FBXL7: variants seen among roughly 807,000 people sequenced by gnomAD.
The protein encoded by FBXL7 is F-box and leucine rich repeat protein 7.
Under a neutral mutation model 38.3 loss-of-function variants are expected in FBXL7, and 12 were observed. The ratio of observed to expected loss-of-function variants is 0.31; its 90% CI spans 0.20 to 0.51. The LOEUF is 0.51. Ranked by LOEUF, FBXL7 falls within the 20% of genes least tolerant of loss-of-function variation. FBXL7 has a pLI of 0.98. For synonymous variants in FBXL7, 297 were observed against 300.9 expected (o/e 0.99, Z 0.13); for missense variants, 567 against 676.4 (o/e 0.84, Z 1.79).
intron 1 of FBXL7, among the ~76,000 whole-genome samples, chr5:15,584,946 A>G (rs1030510394): frequency 6.6e-6 from 1 of 152,188 alleles, no homozygotes; most frequent in Non-Finnish European, 1.5e-5. Context: ...ATCACATACT[A>G]TTACAAATTA....
intron 1 of FBXL7, among the ~76,000 whole-genome samples, chr5:15,566,675 GAATA>G (rs1167033126): frequency 3.3e-5 from 5 of 152,062 alleles, no homozygotes; most frequent in African/African-American, 1.2e-4. Context: ...TATCGCAAAT[GAATA>G]AATAATACTA....
chr5:15,528,790 T>C (rs932326071), intron 1 of FBXL7, among the ~76,000 whole-genome samples: 5 of 151,982 alleles, frequency 3.3e-5, no homozygotes, highest in African/African-American at 9.7e-5. Context: ...GGCCGGTTTT[T>C]TTAAAAATTA....
At chr5:15,767,007 A>G (rs1322169673) in intron 2 of FBXL7, among the ~76,000 whole-genome samples, 1 of 152,114 alleles carries the variant, frequency 6.6e-6, no homozygotes, top group African/African-American at 2.4e-5. Flanking sequence ...TTTTTCTTGA[A>G]CTTTTATTTT....
intron 2 of FBXL7, among the ~76,000 whole-genome samples, chr5:15,751,091 G>T (rs993192939): frequency 1.4e-4 from 22 of 151,914 alleles, no homozygotes; most frequent in Non-Finnish European, 2.4e-4. Flanking sequence ...TTTCCGTGTT[G>T]TGGTTCCAAG....
chr5:15,571,617 G>A (rs937772817), intron 1 of FBXL7, among the ~76,000 whole-genome samples: 3 of 152,162 alleles, frequency 2.0e-5, no homozygotes, highest in Admixed American at 1.3e-4. Context: ...AAATTCATAT[G>A]AGTTGGTAGC....
chr5:15,724,047 T>C (rs1744274153), intron 2 of FBXL7, among the ~76,000 whole-genome samples: 1 of 152,190 alleles, frequency 6.6e-6, no homozygotes, highest in Non-Finnish European at 1.5e-5. Flanking sequence ...TTCCCTCTTC[T>C]GTATAAATTT....
chr5:15,782,812 A>G (rs780686542), intron 2 of FBXL7, among the ~76,000 whole-genome samples: 1 of 152,054 alleles, frequency 6.6e-6, no homozygotes, highest in Non-Finnish European at 1.5e-5. Context: ...TTAATAGCCG[A>G]GGTTGGGATT....
chr5:15,604,621 C>T (rs1409826156), intron 1 of FBXL7, among the ~76,000 whole-genome samples: 1 of 152,194 alleles, frequency 6.6e-6, no homozygotes, highest in Non-Finnish European at 1.5e-5. Flanking sequence ...TCCCAAAGTG[C>T]TGGGATTACA....
intron 2 of FBXL7, among the ~76,000 whole-genome samples, chr5:15,713,768 C>T (rs1427617747): frequency 3.9e-5 from 6 of 151,972 alleles, no homozygotes; most frequent in Admixed American, 3.9e-4. Flanking sequence ...GACAGCAGTG[C>T]ACAATAATGA....
chr5:15,880,531 T>C (rs978912326), intron 2 of FBXL7, among the ~76,000 whole-genome samples: 2 of 152,118 alleles, frequency 1.3e-5, no homozygotes, highest in South Asian at 4.1e-4. Flanking sequence ...ATTTAGAAAC[T>C]CTTCTTACAG....
chr5:15,544,575 T>A (rs183807144), intron 1 of FBXL7, among the ~76,000 whole-genome samples: 85 of 151,152 alleles, frequency 5.6e-4, no homozygotes, highest in African/African-American at 1.9e-3. Context: ...CACACACACA[T>A]CCCCCAACCT....
intron 2 of FBXL7, among the ~76,000 whole-genome samples, chr5:15,709,095 T>C (rs773328398): frequency 1.3e-5 from 2 of 152,206 alleles, no homozygotes; most frequent in Non-Finnish European, 2.9e-5. Flanking sequence ...AGCACATTCT[T>C]CACTGAAAAC....
chr5:15,797,565 C>A (rs76039715), intron 2 of FBXL7, among the ~76,000 whole-genome samples: 3 of 152,168 alleles, frequency 2.0e-5, no homozygotes, highest in African/African-American at 7.2e-5. Context: ...CAATTGGGCC[C>A]CCTGGCCAAA....
intron 2 of FBXL7, among the ~76,000 whole-genome samples, chr5:15,635,698 G>A (rs1741157159): frequency 6.6e-6 from 1 of 152,160 alleles, no homozygotes; most frequent in Non-Finnish European, 1.5e-5. Flanking sequence ...GAAGTAGGCA[G>A]GGGACAGTTC....
At chr5:15,681,628 A>G (rs1389845195) in intron 2 of FBXL7, among the ~76,000 whole-genome samples, 3 of 152,170 alleles carry the variant, frequency 2.0e-5, no homozygotes, top group Non-Finnish European at 4.4e-5. Context: ...TATGTGTTCT[A>G]TTTTTATAAC....
chr5:15,583,648 A>G (rs2402165), intron 1 of FBXL7, among the ~76,000 whole-genome samples: 22,324 of 152,164 alleles, frequency 0.15, 1,720 homozygotes, highest in South Asian at 0.24. Context: ...CATCTAGGGC[A>G]TGCTTATGCA....
intron 2 of FBXL7, among the ~76,000 whole-genome samples, chr5:15,671,191 T>C (rs1742459737): frequency 6.6e-6 from 1 of 152,168 alleles, no homozygotes; most frequent in Non-Finnish European, 1.5e-5. Context: ...GTTGCTATAG[T>C]TCTGTACTCT....
intron 2 of FBXL7, among the ~76,000 whole-genome samples, chr5:15,640,664 C>T (rs1054949030): frequency 6.6e-6 from 1 of 152,006 alleles, no homozygotes; most frequent in African/African-American, 2.4e-5. Flanking sequence ...GCTGGGATTA[C>T]AGGTGCGTGC....
chr5:15,767,173 C>T (rs989232382), intron 2 of FBXL7, among the ~76,000 whole-genome samples: 5 of 152,094 alleles, frequency 3.3e-5, no homozygotes, highest in African/African-American at 4.8e-5. Flanking sequence ...ACACTGCCCC[C>T]GACAGCCCCC....
Sources: gnomAD v4.1 joint callset for allele counts (sites outside exome capture counted in the v4.1 genomes callset) on GRCh38, gnomAD v4.1.1 for gene constraint, MANE v1.5 for transcripts, NCBI Gene and HGNC (gene_info 2026-07-23, HGNC 2026-07-21) for gene names.